The following FSAF1 variants were observed in gnomAD, a reference collection of about 807,000 sequenced individuals.
FSAF1 encodes uncharacterized protein C1orf131.
At chr1:231,225,253 G>T in the FSAF1 span, 1 of 576,048 alleles carries the variant, frequency 1.7e-6, no homozygotes, top group Non-Finnish European at 3.1e-6. Context: ...TAGAGTGTCG[G>T]TGAAAAGTGG....
the FSAF1 span, among the ~76,000 whole-genome samples, chr1:231,239,341 T>C: frequency 6.6e-6 from 1 of 152,254 alleles, no homozygotes; most frequent in African/African-American, 2.4e-5. Context: ...TTCAAATAAG[T>C]GTATTTGCAA....
At chr1:231,233,514 G>A in the FSAF1 span, among the ~76,000 whole-genome samples, 1 of 152,170 alleles carries the variant, frequency 6.6e-6, no homozygotes, top group African/African-American at 2.4e-5. Context: ...TAATATTTCT[G>A]TGGCAATATC....
At chr1:231,239,324 G>A in the FSAF1 span, 8 of 715,614 alleles carry the variant, frequency 1.1e-5, no homozygotes, top group Non-Finnish European at 1.7e-5. Context: ...TAAACTATTT[G>A]TTTTCTTTCA....
the FSAF1 span, among the ~76,000 whole-genome samples, chr1:231,236,372 TA>T: frequency 2.7e-5 from 4 of 148,676 alleles, no homozygotes; most frequent in South Asian, 2.1e-4. Flanking sequence ...AGGACACATT[TA>T]AAAAAAAAAC....
chr1:231,237,368 T>C, the FSAF1 span: 37 of 152,292 alleles, frequency 2.4e-4, 1 homozygote, highest in East Asian at 5.8e-3. Context: ...TCTAAAAACA[T>C]ATGGCCATGT....
At chr1:231,241,168 G>T in the FSAF1 span, 4 of 1,595,740 alleles carry the variant, frequency 2.5e-6, no homozygotes, top group Admixed American at 3.4e-5. Flanking sequence ...CCCGCTTCCG[G>T]GTTCCGCGAC....
At chr1:231,235,037 G>A in the FSAF1 span, among the ~76,000 whole-genome samples, 1 of 152,176 alleles carries the variant, frequency 6.6e-6, no homozygotes, top group Non-Finnish European at 1.5e-5. Flanking sequence ...CAACTCCAAA[G>A]TAGATTGTAC....
the FSAF1 span, among the ~76,000 whole-genome samples, chr1:231,228,184 T>G: frequency 6.6e-6 from 1 of 152,262 alleles, no homozygotes. Context: ...CTTGTCTTTT[T>G]TCTTACGTGT....
the FSAF1 span, chr1:231,229,117 T>C: frequency 8.0e-7 from 1 of 1,255,022 alleles, no homozygotes; most frequent in Non-Finnish European, 1.1e-6. Context: ...ATAAAGTTAA[T>C]TATAAATAAT....
chr1:231,228,777 A>G, the FSAF1 span, among the ~76,000 whole-genome samples: 1 of 152,204 alleles, frequency 6.6e-6, no homozygotes, highest in Admixed American at 6.5e-5. Context: ...ACCTGAGGTC[A>G]GTAGTTCGAG....
chr1:231,224,246 T>A, the FSAF1 span: 1 of 1,594,858 alleles, frequency 6.3e-7, no homozygotes. Context: ...TTGACTCAGT[T>A]GTTCCCATCC....
chr1:231,235,299 C>T, the FSAF1 span, among the ~76,000 whole-genome samples: 1 of 152,132 alleles, frequency 6.6e-6, no homozygotes, highest in Admixed American at 6.5e-5. Flanking sequence ...AAGATCGAGA[C>T]CATCCTGGCC....
chr1:231,225,365 G>T, the FSAF1 span: 2 of 1,052,910 alleles, frequency 1.9e-6, no homozygotes, highest in South Asian at 1.3e-5. Context: ...ACAGTGAAGC[G>T]CTCTAATGGG....
chr1:231,225,900 C>T, the FSAF1 span: 1 of 193,690 alleles, frequency 5.2e-6, no homozygotes, highest in South Asian at 1.1e-4. Context: ...AAGCTCAAAT[C>T]TTCCATTTTA....
At chr1:231,230,736 AC>A in the FSAF1 span, among the ~76,000 whole-genome samples, 2 of 152,200 alleles carry the variant, frequency 1.3e-5, no homozygotes, top group Non-Finnish European at 2.9e-5. Flanking sequence ...ACAGTCAGTC[AC>A]TGCATGTTTT....
At chr1:231,239,040 G>C in the FSAF1 span, 3 of 1,614,072 alleles carry the variant, frequency 1.9e-6, no homozygotes, top group Non-Finnish European at 2.5e-6. Flanking sequence ...CCTTGAAGAA[G>C]CTCGAAGCGC....
chr1:231,232,456 G>A, the FSAF1 span, among the ~76,000 whole-genome samples: 3 of 152,176 alleles, frequency 2.0e-5, no homozygotes, highest in Non-Finnish European at 4.4e-5. Context: ...CCTCCAGATG[G>A]TGGCACCCCG....
the FSAF1 span, among the ~76,000 whole-genome samples, chr1:231,234,457 GA>G: frequency 1.3e-5 from 2 of 152,168 alleles, no homozygotes; most frequent in Non-Finnish European, 2.9e-5. This position sits in a 1 kb window ranked among gnomAD's most constrained non-coding sequence, Gnocchi z 4.0. Context: ...TTGCACTTAT[GA>G]AAGAGTAGGT....
At chr1:231,232,971 C>A in the FSAF1 span, among the ~76,000 whole-genome samples, 1 of 152,138 alleles carries the variant, frequency 6.6e-6, no homozygotes, top group Admixed American at 6.6e-5. Context: ...CCTTGATGAG[C>A]CTAAATTACT....
Sources: allele counts gnomAD v4.1 joint callset (sites outside exome capture counted in the v4.1 genomes callset), GRCh38; gene constraint gnomAD v4.1.1; non-coding constraint Gnocchi (gnomAD v3.1); transcripts MANE v1.5; gene names NCBI Gene and HGNC (gene_info 2026-07-23, HGNC 2026-07-21).